Variants in CFAP95 observed in about 807,000 individuals in gnomAD.
CFAP95 encodes cilia and flagella associated protein 95, also known as cilia- and flagella-associated protein 95.
the CFAP95 span, among the ~76,000 whole-genome samples, chr9:69,904,635 C>T: frequency 0.13 from 19,043 of 152,140 alleles, 1,573 homozygotes; most frequent in African/African-American, 0.23. Flanking sequence ...ATTTGAGGCT[C>T]TCTTCAGTTT....
the CFAP95 span, among the ~76,000 whole-genome samples, chr9:69,891,444 AT>A: frequency 6.6e-6 from 1 of 151,552 alleles, no homozygotes; most frequent in Admixed American, 6.6e-5. Flanking sequence ...AAAGAAATAT[AT>A]TTTACAACTG....
the CFAP95 span, among the ~76,000 whole-genome samples, chr9:69,873,804 T>C: frequency 3.2e-3 from 491 of 152,288 alleles, 5 homozygotes; most frequent in African/African-American, 0.011. Flanking sequence ...CTTTAAGGTT[T>C]CTTTGAGCCT....
At chr9:69,884,594 C>T in the CFAP95 span, 1 of 152,116 alleles carries the variant, frequency 6.6e-6, no homozygotes, top group Admixed American at 6.6e-5. Context: ...TCAATTGACC[C>T]TCCTGCCTCA....
chr9:69,821,777 T>G, the CFAP95 span, among the ~76,000 whole-genome samples: 417 of 152,180 alleles, frequency 2.7e-3, 1 homozygote, highest in African/African-American at 9.4e-3. Flanking sequence ...TTGGCCACAT[T>G]TAAAACTAGG....
chr9:69,890,374 T>C, the CFAP95 span, among the ~76,000 whole-genome samples: 1 of 152,364 alleles, frequency 6.6e-6, no homozygotes, highest in South Asian at 2.1e-4. Flanking sequence ...GCAATTTTGT[T>C]CACTTACTTC....
At chr9:69,889,369 A>C in the CFAP95 span, among the ~76,000 whole-genome samples, 1 of 152,180 alleles carries the variant, frequency 6.6e-6, no homozygotes, top group African/African-American at 2.4e-5. Context: ...TAACTTCCCC[A>C]ACTACTCCCA....
chr9:69,885,554 A>G, the CFAP95 span, among the ~76,000 whole-genome samples: 4 of 152,158 alleles, frequency 2.6e-5, no homozygotes, highest in Non-Finnish European at 5.9e-5. Flanking sequence ...ATGATTTCCC[A>G]TTATAATGAC....
chr9:69,859,855 A>G, the CFAP95 span, among the ~76,000 whole-genome samples: 3 of 152,226 alleles, frequency 2.0e-5, no homozygotes, highest in African/African-American at 4.8e-5. Flanking sequence ...ACTGTACTGA[A>G]CAGTGTAGGC....
the CFAP95 span, among the ~76,000 whole-genome samples, chr9:69,843,606 CTTCTTCTTCTTCTTCTTCTTCTTCCT>C: frequency 1.3e-4 from 10 of 74,734 alleles, no homozygotes; most frequent in African/African-American, 7.3e-4. Flanking sequence ...TCTTCTTCTT[CTTCTTCTTCTTCTTCTTCTTCTTCCT>C]CCTCCTCCTC....
At chr9:69,898,269 C>T in the CFAP95 span, among the ~76,000 whole-genome samples, 1 of 152,126 alleles carries the variant, frequency 6.6e-6, no homozygotes, top group Admixed American at 6.5e-5. Context: ...TATGACATTG[C>T]AACACTCTCT....
At chr9:69,871,345 A>G in the CFAP95 span, among the ~76,000 whole-genome samples, 1 of 152,226 alleles carries the variant, frequency 6.6e-6, no homozygotes, top group African/African-American at 2.4e-5. Flanking sequence ...ATTGGGGCTA[A>G]GAAAGCAGGG....
the CFAP95 span, among the ~76,000 whole-genome samples, chr9:69,823,642 G>A: frequency 6.6e-6 from 1 of 152,192 alleles, no homozygotes; most frequent in Non-Finnish European, 1.5e-5. Context: ...CATTTGAAGA[G>A]ACCACCAAAC....
the CFAP95 span, among the ~76,000 whole-genome samples, chr9:69,851,415 A>G: frequency 2.0e-5 from 3 of 152,268 alleles, no homozygotes; most frequent in South Asian, 4.1e-4. Context: ...AAAATGATGA[A>G]TTTCATTTAG....
the CFAP95 span, among the ~76,000 whole-genome samples, chr9:69,839,158 G>A: frequency 3.6e-5 from 3 of 83,322 alleles, no homozygotes; most frequent in Non-Finnish European, 7.2e-5. Flanking sequence ...GAGGATTTTT[G>A]CATCAATGTT....
At chr9:69,836,372 T>C in the CFAP95 span, among the ~76,000 whole-genome samples, 1 of 152,152 alleles carries the variant, frequency 6.6e-6, no homozygotes, top group African/African-American at 2.4e-5. Context: ...GCAGGATGTT[T>C]AGCAGCATCG....
chr9:69,840,076 TAAAA>T, the CFAP95 span, among the ~76,000 whole-genome samples: 1 of 139,998 alleles, frequency 7.1e-6, no homozygotes. Context: ...AAACTTCATG[TAAAA>T]AAAAAAAAAA....
At chr9:69,856,804 C>T in the CFAP95 span, 1 of 518,392 alleles carries the variant, frequency 1.9e-6, no homozygotes, top group Non-Finnish European at 3.4e-6. Context: ...CTCAAGCTTC[C>T]ATGCTTTCTG....
At chr9:69,889,880 G>C in the CFAP95 span, among the ~76,000 whole-genome samples, 5 of 151,964 alleles carry the variant, frequency 3.3e-5, no homozygotes, top group East Asian at 9.6e-4. Flanking sequence ...AAAAAATTAA[G>C]TTACAAAGTT....
the CFAP95 span, among the ~76,000 whole-genome samples, chr9:69,849,990 A>T: frequency 5.3e-3 from 804 of 152,304 alleles, 8 homozygotes; most frequent in African/African-American, 0.019. Flanking sequence ...TCATTGCTTC[A>T]ACTTGTAAAG....
Sources: allele counts gnomAD v4.1 joint callset (sites outside exome capture counted in the v4.1 genomes callset), GRCh38; gene constraint gnomAD v4.1.1; transcripts MANE v1.5; gene names NCBI Gene and HGNC (gene_info 2026-07-23, HGNC 2026-07-21).